Variants in HS3ST4 observed in about 807,000 individuals in gnomAD.
HS3ST4 encodes the protein heparan sulfate-glucosamine 3-sulfotransferase 4.
In HS3ST4, 17 loss-of-function variants were observed where a neutral mutation model predicts 29.2. The observed-to-expected ratio is 0.58, with a 90% CI of 0.40 to 0.87. HS3ST4 has a LOEUF of 0.87. HS3ST4 is among the 40% of genes least tolerant of loss of function. The probability of loss-of-function intolerance (pLI) is 0.00; values close to 1 mark genes in which losing one functional copy is unlikely to be tolerated. For synonymous variants in HS3ST4, 314 were observed against 285.7 expected, an observed-to-expected ratio of 1.10 and a Z score of -1.00; for missense variants, 627 against 634.5, an observed-to-expected ratio of 0.99 and a Z score of 0.13.
chr16:26,086,398 G>T (rs1289651933), intron 1 of HS3ST4, among the ~76,000 whole-genome samples: 1 of 150,474 alleles, frequency 6.6e-6, no homozygotes. Flanking sequence ...CGCCCAGGCT[G>T]TAGTGCAGTG....
chr16:25,918,055 G>A (rs1405584421), intron 1 of HS3ST4, among the ~76,000 whole-genome samples: 1 of 152,152 alleles, frequency 6.6e-6, no homozygotes, highest in Non-Finnish European at 1.5e-5. Context: ...GGGCCAGGGA[G>A]CCAACATCAA....
At chr16:25,896,170 CT>C (rs1326762955) in intron 1 of HS3ST4, among the ~76,000 whole-genome samples, 2 of 152,176 alleles carry the variant, frequency 1.3e-5, no homozygotes, top group African/African-American at 4.8e-5. Context: ...ACAAACATGA[CT>C]ATGAAAGTAC....
intron 1 of HS3ST4, among the ~76,000 whole-genome samples, chr16:25,716,476 T>C (rs1370123572): frequency 6.6e-6 from 1 of 152,208 alleles, no homozygotes; most frequent in Non-Finnish European, 1.5e-5. Flanking sequence ...TGGTTGAAGC[T>C]TGAACAGTCA....
chr16:25,692,573 C>T lies in HS3ST4; in HGVS notation c.156C>T (p.Leu52=). 7.0e-7 allele frequency: 1 copy of T among 1,436,840 alleles called. No homozygotes were observed. The highest frequency in any genetic ancestry group is 9.2e-7 in the Non-Finnish European group (1 of 1,084,990). 89.0% of individuals were successfully genotyped at this position (1,436,840 alleles called of 1,614,324 possible). Residue 52 remains leucine (L), a synonymous_variant, in exon 1 of 2, where the codon CTC becomes CTT. Transcript: ENST00000331351. ...CTGTCACCTACCTGTGCTACAGCCT[C>T]CTGGGCGGCTCGGGCTCCCTGCAAT... ...SLSVTYLCYS[L]LGGSGSLQFP... is the part of the protein sequence containing the mutation.
chr16:26,109,984 T>C (rs1899107444), intron 1 of HS3ST4, among the ~76,000 whole-genome samples: 1 of 152,182 alleles, frequency 6.6e-6, no homozygotes, highest in Admixed American at 6.5e-5. Flanking sequence ...TGCTGTATAA[T>C]AGATCTATGG....
At chr16:25,718,653 T>G (rs1376221686) in intron 1 of HS3ST4, among the ~76,000 whole-genome samples, 2 of 152,214 alleles carry the variant, frequency 1.3e-5, no homozygotes, top group Non-Finnish European at 2.9e-5. Context: ...TGAGGTGAGT[T>G]TCTCCAATTA....
At chr16:25,696,826 T>C (rs945013154) in intron 1 of HS3ST4, among the ~76,000 whole-genome samples, 2 of 152,156 alleles carry the variant, frequency 1.3e-5, no homozygotes, top group African/African-American at 4.8e-5. Flanking sequence ...GGAATTTCAT[T>C]GGTGTTTACC....
intron 1 of HS3ST4, among the ~76,000 whole-genome samples, chr16:26,135,348 ATAACTGG>A (rs1255225692): frequency 2.0e-5 from 3 of 152,196 alleles, no homozygotes; most frequent in Non-Finnish European, 4.4e-5. Flanking sequence ...TAGGTTAAAC[ATAACTGG>A]TAAGAGGTAG....
intron 1 of HS3ST4, among the ~76,000 whole-genome samples, chr16:26,128,340 C>T (rs566076880): frequency 3.3e-5 from 5 of 152,326 alleles, no homozygotes; most frequent in African/African-American, 1.2e-4. Context: ...CCAATACATA[C>T]TCAGTGGAAT....
At chr16:26,122,474 G>A (rs1000386008) in intron 1 of HS3ST4, among the ~76,000 whole-genome samples, 2 of 152,150 alleles carry the variant, frequency 1.3e-5, no homozygotes, top group African/African-American at 4.8e-5. Context: ...AGGGATGACA[G>A]AAATAAATAA....
intron 1 of HS3ST4, among the ~76,000 whole-genome samples, chr16:25,986,224 G>A (rs1969061774): frequency 1.3e-5 from 2 of 152,068 alleles, no homozygotes; most frequent in African/African-American, 4.8e-5. Flanking sequence ...TCTCCTACTA[G>A]AATGTGAGTT....
chr16:25,938,530 G>A (rs1968540496), intron 1 of HS3ST4, among the ~76,000 whole-genome samples: 3 of 151,900 alleles, frequency 2.0e-5, no homozygotes, highest in Non-Finnish European at 4.4e-5. Context: ...GTGATAGGGA[G>A]CTGGTACCTG....
intron 1 of HS3ST4, among the ~76,000 whole-genome samples, chr16:25,979,973 A>T: frequency 6.6e-6 from 1 of 151,892 alleles, no homozygotes; most frequent in South Asian, 2.1e-4. Flanking sequence ...CCTCCATTCC[A>T]TTTTCATTGC....
intron 1 of HS3ST4, among the ~76,000 whole-genome samples, chr16:26,064,013 T>A (rs1008631210): frequency 6.6e-6 from 1 of 152,114 alleles, no homozygotes; most frequent in Admixed American, 6.6e-5. Flanking sequence ...TTAAATTAGA[T>A]CTTAGGGAGT....
chr16:25,893,664 T>C (rs1443501727), intron 1 of HS3ST4, among the ~76,000 whole-genome samples: 3 of 152,254 alleles, frequency 2.0e-5, no homozygotes, highest in Admixed American at 6.5e-5. Context: ...TGGGGTCATA[T>C]ACCTACGTTT....
At chr16:25,750,092 G>T (rs760343383) in intron 1 of HS3ST4, among the ~76,000 whole-genome samples, 1 of 152,146 alleles carries the variant, frequency 6.6e-6, no homozygotes, top group Non-Finnish European at 1.5e-5. Flanking sequence ...AATCCCAAAT[G>T]GTTGCTACTG....
intron 1 of HS3ST4, among the ~76,000 whole-genome samples, chr16:26,023,311 A>G (rs1023866517): frequency 1.3e-5 from 2 of 151,772 alleles, no homozygotes; most frequent in African/African-American, 4.8e-5. Context: ...ATATATATAT[A>G]TTTCTGCCTC....
intron 1 of HS3ST4, among the ~76,000 whole-genome samples, chr16:25,966,873 A>T (rs979029389): frequency 3.9e-5 from 6 of 152,198 alleles, no homozygotes; most frequent in Admixed American, 3.9e-4. Flanking sequence ...GGCTGGGCAG[A>T]CACTGGAGGC....
chr16:25,743,875 A>G (rs1317511518), intron 1 of HS3ST4, among the ~76,000 whole-genome samples: 1 of 152,198 alleles, frequency 6.6e-6, no homozygotes, highest in Non-Finnish European at 1.5e-5. Flanking sequence ...CTGTAGCAAC[A>G]TGGAATGAGT....
Sources: gnomAD v4.1 joint callset for allele counts (sites outside exome capture counted in the v4.1 genomes callset) on GRCh38, gnomAD v4.1.1 for gene constraint, MANE v1.5 for transcripts, NCBI Gene and HGNC (gene_info 2026-07-23, HGNC 2026-07-21) for gene names.